Variants in PMM2 observed in about 807,000 individuals in gnomAD.
PMM2 encodes phosphomannomutase 2, also known as mannose-6-phosphate isomerase.
In PMM2, 35 loss-of-function variants were observed where a neutral mutation model predicts 33.2. The observed-to-expected ratio is 1.06, with a 90% CI of 0.81 to 1.40. PMM2 has a LOEUF of 1.40. Among genes scored for constraint, PMM2 ranks in the 40% most tolerant of loss-of-function variants. The pLI, the probability that PMM2 is intolerant of heterozygous loss-of-function variation, is 0.00. For synonymous variants in PMM2, 153 were observed against 114.7 expected, an observed-to-expected ratio of 1.33 and a Z score of -2.13; for missense variants, 386 against 306.0, an observed-to-expected ratio of 1.26 and a Z score of -1.95.
intron 2 of PMM2, chr16:8,802,377 G>A (rs1290641107): frequency 2.3e-6 from 1 of 431,352 alleles, no homozygotes; most frequent in Non-Finnish European, 4.6e-6. Flanking sequence ...TGGAGCCTGG[G>A]AATCCTATTT....
intron 4 of PMM2, chr16:8,808,411 A>G (rs2060658558): frequency 6.6e-6 from 1 of 152,112 alleles, no homozygotes; most frequent in Admixed American, 6.6e-5. Flanking sequence ...CAAAGAGCGT[A>G]TCATTTAGCG....
chr16:8,848,092 A>C lies in PMM2; in HGVS notation c.*267A>C, dbSNP rs1462547107. The C allele has an allele frequency of 9.1e-6, 4 of 441,394 alleles. No individual in the cohort carries two copies. Among genetic ancestry groups the C allele is most frequent in the Admixed American group, 4.0e-5 (1 of 25,244 alleles). The allele number at this position is 441,394 out of a possible 1,614,324, so 27.3% of individuals were successfully genotyped here. A position where few individuals can be genotyped will look rare whatever the true frequency, so the allele number is the denominator to read the frequency against. ...CCCCCAGCCCCCTAGTCTAATACCC[A>C]CCCTGATACGTGCAATCATGTAGTT... On this transcript the variant is annotated 3_prime_UTR_variant, in exon 8 of 8. Coordinates refer to ENST00000268261, the MANE Select transcript of PMM2 (RefSeq NM_000303.3).
intron 7 of PMM2, among the ~76,000 whole-genome samples, chr16:8,844,689 G>C (rs1452168805): frequency 1.3e-5 from 2 of 152,218 alleles, no homozygotes; most frequent in African/African-American, 2.4e-5. Flanking sequence ...CCAAGGGAAG[G>C]CTGCCTTCCC....
rs115381183 is a variant in PMM2 at position 8,839,680 on chromosome 16, C to G, written c.640-8044C>G. On this transcript the variant is annotated intron_variant, in intron 7 of 7. Coordinates refer to ENST00000268261, the MANE Select transcript of PMM2 (RefSeq NM_000303.3). ...TTGTCAGTATTGATAGCGGGCTTGT[C>G]TGTAATATGGAGCTGGAAGGCTCCC... Among the ~76,000 whole-genome samples, 993 of 151,938 alleles carry G rather than the reference C, an allele frequency of 6.5e-3. 13 individuals are homozygous for G. Among genetic ancestry groups the G allele is most frequent in the African/African-American group, 0.023 (964 of 41,438 alleles).
intron 2 of PMM2, chr16:8,802,354 C>T (rs1288619218): frequency 2.2e-6 from 1 of 453,642 alleles, no homozygotes; most frequent in Non-Finnish European, 4.4e-6. Flanking sequence ...GAGAGTCTGA[C>T]TTGATAGGTC....
At chr16:8,798,874 C>T (rs748329539) in intron 1 of PMM2, among the ~76,000 whole-genome samples, 1 of 152,162 alleles carries the variant, frequency 6.6e-6, no homozygotes, top group African/African-American at 2.4e-5. Context: ...TGGTGTGCTC[C>T]AGAAGTCCAG....
intron 2 of PMM2, among the ~76,000 whole-genome samples, chr16:8,802,830 T>TC (rs1555448990): frequency 8.0e-5 from 2 of 25,104 alleles, no homozygotes; most frequent in Non-Finnish European, 2.3e-4. Flanking sequence ...AACTCCGTCT[T>TC]GGAAAAAAAA....
At chr16:8,804,618 A>G (rs2060635946) in intron 2 of PMM2, 149 bp from the exon 3 acceptor site, 5 of 666,400 alleles carry the variant, frequency 7.5e-6, no homozygotes, top group Non-Finnish European at 8.1e-6. Context: ...ACTTTTTTCC[A>G]TACTCTTCTC....
intron 2 of PMM2, among the ~76,000 whole-genome samples, chr16:8,802,790 A>G (rs935070199): frequency 2.6e-5 from 4 of 151,492 alleles, no homozygotes; most frequent in Non-Finnish European, 1.5e-5. Flanking sequence ...AGATCACACC[A>G]TTGCACTCCA....
chr16:8,832,814 A>T (rs1485758565), intron 7 of PMM2: 2 of 985,012 alleles, frequency 2.0e-6, no homozygotes, highest in African/African-American at 1.8e-5. Context: ...GCCCCTGCCC[A>T]TCCTCCCTCT....
chr16:8,831,142 A>C (rs2060807249), intron 7 of PMM2, among the ~76,000 whole-genome samples: 1 of 151,580 alleles, frequency 6.6e-6, no homozygotes, highest in South Asian at 2.1e-4. Flanking sequence ...CGTCTCCAAA[A>C]ACAAAAAAAA....
intron 1 of PMM2, among the ~76,000 whole-genome samples, chr16:8,800,234 G>A (rs772567356): frequency 1.1e-4 from 16 of 151,834 alleles, no homozygotes; most frequent in Admixed American, 7.9e-4. Flanking sequence ...GATGGCGGGC[G>A]CCTGTAATCC....
rs1270461763 is a variant in PMM2, at chr16:8,797,862, G to A, written c.-21G>A. The A allele has an allele frequency of 3.7e-6, 6 of 1,610,138 alleles. No homozygotes were observed. Among genetic ancestry groups the A allele is most frequent in the East Asian group, 2.2e-5 (1 of 44,758 alleles). On this transcript the variant is annotated 5_prime_UTR_variant, in exon 1 of 8. It adds an upstream start codon to the 5' untranslated region. Transcript: ENST00000268261. Reference sequence around the variant, plus strand: ...TCCTCGTGCCAACGTGTCTTGTAAGGTGCGGCTAGAAACTGGGGACATGGC... The same window carrying A: ...TCCTCGTGCCAACGTGTCTTGTAAGATGCGGCTAGAAACTGGGGACATGGC...
chr16:8,813,725 G>C (rs994821603), intron 7 of PMM2, among the ~76,000 whole-genome samples: 7 of 152,102 alleles, frequency 4.6e-5, no homozygotes, highest in African/African-American at 1.7e-4. Context: ...GGAATACATA[G>C]AAGAAATGCC....
chr16:8,837,926 A>C (rs2060861973), intron 7 of PMM2, among the ~76,000 whole-genome samples: 1 of 152,048 alleles, frequency 6.6e-6, no homozygotes, highest in African/African-American at 2.4e-5. Flanking sequence ...CTTTGTCTCT[A>C]CCAGAAAATG....
At chr16:8,822,302 T>C (rs1011385804) in intron 7 of PMM2, among the ~76,000 whole-genome samples, 2 of 152,200 alleles carry the variant, frequency 1.3e-5, no homozygotes, top group African/African-American at 4.8e-5. Context: ...ACACAGGGTC[T>C]ACAAAATATC....
At chr16:8,842,267 G>A (rs867037403) in intron 7 of PMM2, 5 of 152,382 alleles carry the variant, frequency 3.3e-5, no homozygotes, top group Non-Finnish European at 7.3e-5. Context: ...AGCTTTGGAG[G>A]GGGATACCTG....
chr16:8,821,704 C>T (rs2060740476), intron 7 of PMM2, among the ~76,000 whole-genome samples: 1 of 152,244 alleles, frequency 6.6e-6, no homozygotes, highest in Admixed American at 6.5e-5. Context: ...GCCACTAGCC[C>T]CTTGGCCAGC....
intron 1 of PMM2, among the ~76,000 whole-genome samples, chr16:8,801,387 A>G (rs2060615454): frequency 6.6e-6 from 1 of 152,212 alleles, no homozygotes; most frequent in Non-Finnish European, 1.5e-5. Context: ...GTATGAAAAT[A>G]AGGCTTATAG....
Sources: gnomAD v4.1 joint callset for allele counts (sites outside exome capture counted in the v4.1 genomes callset) on GRCh38, gnomAD v4.1.1 for gene constraint, MANE v1.5 for transcripts, NCBI Gene and HGNC (gene_info 2026-07-23, HGNC 2026-07-21) for gene names.